Variants in XKR6 observed in about 807,000 individuals in gnomAD.
XKR6 encodes the protein XK-related protein 6.
XKR6 carries 22 observed loss-of-function variants against 56.7 expected under a neutral mutation model. The observed-to-expected ratio is 0.39, with a 90% confidence interval of 0.28 to 0.55. XKR6 has a LOEUF of 0.55. Among genes scored for constraint, XKR6 ranks in the 20% least tolerant of loss-of-function variants. XKR6 has a pLI of 0.66. For synonymous variants in XKR6, 524 were observed against 387.8 expected (o/e 1.35, Z -4.13); for missense variants, 852 against 889.0 (o/e 0.96, Z 0.53).
intron 1 of XKR6, among the ~76,000 whole-genome samples, chr8:10,984,988 G>A (rs1270492198): frequency 1.3e-5 from 2 of 151,758 alleles, no homozygotes; most frequent in Non-Finnish European, 2.9e-5. Flanking sequence ...ACCCCAGGCT[G>A]CAGTGCAGTA....
intron 1 of XKR6, among the ~76,000 whole-genome samples, chr8:11,090,243 C>A (rs1299667572): frequency 1.3e-5 from 2 of 152,098 alleles, no homozygotes; most frequent in African/African-American, 4.8e-5. Flanking sequence ...CACCAACAGG[C>A]CCTGCTGAGT....
At chr8:11,106,379 A>C (rs948451148) in intron 1 of XKR6, 3 of 152,224 alleles carry the variant, frequency 2.0e-5, no homozygotes, top group Non-Finnish European at 2.9e-5. Context: ...CGAGCTCCAG[A>C]GAGGCCGGTA....
At position 10,918,446 on chromosome 8, in the gene XKR6, T is replaced by C. The variant is rs1586304346; in HGVS notation, c.961+6188A>G. 3.9e-5 allele frequency among the ~76,000 whole-genome samples: 6 copies of C among 152,356 alleles called. No individual in the cohort carries two copies. The South Asian group carries it at 1.2e-3, about 32-fold the overall frequency. ...GCATGCACACATGTGTGTACTGGACTTGACAGTCCACATCCATGCCCAGCT... is the reference window on the plus strand; with the variant it reads ...GCATGCACACATGTGTGTACTGGACCTGACAGTCCACATCCATGCCCAGCT... On this transcript the variant is annotated intron_variant, in intron 2 of 2. Transcript: ENST00000416569.
At chr8:11,055,673 G>A (rs1799663839) in intron 1 of XKR6, among the ~76,000 whole-genome samples, 2 of 152,338 alleles carry the variant, frequency 1.3e-5, no homozygotes, top group Admixed American at 6.5e-5. Flanking sequence ...GCATGGACGG[G>A]GGCCTCCTGG....
intron 1 of XKR6, among the ~76,000 whole-genome samples, chr8:11,122,170 C>A (rs529642915): frequency 2.0e-5 from 3 of 152,342 alleles, no homozygotes; most frequent in East Asian, 1.9e-4. Context: ...AGTCTCCAAG[C>A]CCAGCTCCTT....
At chr8:11,091,398 C>G (rs955366632) in intron 1 of XKR6, among the ~76,000 whole-genome samples, 50 of 151,296 alleles carry the variant, frequency 3.3e-4, no homozygotes, top group South Asian at 4.2e-4. Flanking sequence ...AGATTGCACC[C>G]TGCACTCCAG....
chr8:11,197,249 A>G (rs1006661959), intron 1 of XKR6, among the ~76,000 whole-genome samples: 5 of 152,212 alleles, frequency 3.3e-5, no homozygotes, highest in African/African-American at 1.2e-4. Context: ...AACTACATCC[A>G]TTAAATGGGA....
intron 1 of XKR6, chr8:11,128,843 T>G (rs1280530402): frequency 2.2e-6 from 1 of 456,754 alleles, no homozygotes; most frequent in Non-Finnish European, 4.4e-6. Context: ...CCTTACCACC[T>G]CCACTGTCAC....
intron 1 of XKR6, among the ~76,000 whole-genome samples, chr8:11,042,341 C>T (rs1274977482): frequency 6.6e-6 from 1 of 151,962 alleles, no homozygotes; most frequent in Non-Finnish European, 1.5e-5. Context: ...CTCCCATAAT[C>T]CCCACATGTC....
At chr8:10,925,850 A>C (rs144096314) in intron 1 of XKR6, among the ~76,000 whole-genome samples, 431 of 152,276 alleles carry the variant, frequency 2.8e-3, no homozygotes, top group Admixed American at 5.0e-3. Flanking sequence ...CTCCAAGGCA[A>C]GAGAAGGACT....
chr8:10,927,859 AG>A (rs1800941302), intron 1 of XKR6, among the ~76,000 whole-genome samples: 1 of 152,104 alleles, frequency 6.6e-6, no homozygotes, highest in African/African-American at 2.4e-5. Flanking sequence ...TGGGGCCTAG[AG>A]GGCACTAGAG....
At chr8:10,956,678 T>TGA (rs1801899817) in intron 1 of XKR6, among the ~76,000 whole-genome samples, 1 of 140,122 alleles carries the variant, frequency 7.1e-6, no homozygotes, top group Non-Finnish European at 1.5e-5. Flanking sequence ...ACAGCGGATG[T>TGA]CAAAGGGAAG....
chr8:11,096,511 G>C (rs898753696), intron 1 of XKR6, among the ~76,000 whole-genome samples: 5 of 152,204 alleles, frequency 3.3e-5, no homozygotes, highest in Admixed American at 2.6e-4. Context: ...CACAACGAAG[G>C]CATTGGTGTA....
At chr8:10,927,130 T>C (rs1800911428) in intron 1 of XKR6, among the ~76,000 whole-genome samples, 1 of 151,972 alleles carries the variant, frequency 6.6e-6, no homozygotes, top group African/African-American at 2.4e-5. Flanking sequence ...TCATCGGTAG[T>C]TTGGGAGGGG....
At chr8:11,014,511 T>C (rs73541222) in intron 1 of XKR6, among the ~76,000 whole-genome samples, 4,936 of 152,226 alleles carry the variant, frequency 0.032, 263 homozygotes, top group African/African-American at 0.11. Context: ...CCCTTTCCTA[T>C]GGGTTCCCTC....
At chr8:11,051,202 C>G (rs908658862) in intron 1 of XKR6, among the ~76,000 whole-genome samples, 1 of 152,070 alleles carries the variant, frequency 6.6e-6, no homozygotes, top group South Asian at 2.1e-4. Context: ...GTTCCAGACA[C>G]TTCTTCTTCC....
intron 1 of XKR6, among the ~76,000 whole-genome samples, chr8:11,182,331 C>G (rs933045393): frequency 5.3e-5 from 8 of 152,306 alleles, no homozygotes; most frequent in South Asian, 2.1e-4. Context: ...TAATTTCAGC[C>G]TTAATGAGAC....
At chr8:11,199,380 G>C (rs1804071418) in intron 1 of XKR6, among the ~76,000 whole-genome samples, 1 of 152,158 alleles carries the variant, frequency 6.6e-6, no homozygotes, top group Admixed American at 6.5e-5. Context: ...CCATTAAAAA[G>C]ACAGCAGACT....
At chr8:10,917,649 A>G (rs1483958410) in intron 2 of XKR6, among the ~76,000 whole-genome samples, 1 of 152,146 alleles carries the variant, frequency 6.6e-6, no homozygotes, top group Non-Finnish European at 1.5e-5. Context: ...ACAATGGCTC[A>G]GAGGATATCT....
Sources: gnomAD v4.1 joint callset for allele counts (sites outside exome capture counted in the v4.1 genomes callset) on GRCh38, gnomAD v4.1.1 for gene constraint, MANE v1.5 for transcripts, NCBI Gene and HGNC (gene_info 2026-07-23, HGNC 2026-07-21) for gene names.